The following TENM3 variants were observed in gnomAD, a reference collection of about 807,000 sequenced individuals.
The protein encoded by TENM3 is teneurin transmembrane protein 3, also known as teneurin-3.
TENM3 carries 63 observed loss-of-function variants against 255.1 expected under a neutral mutation model. That is an observed-to-expected ratio of 0.25 (90% CI 0.20 to 0.30). The LOEUF (loss-of-function observed/expected upper bound fraction) is 0.30, where lower values mean the gene tolerates loss of function less well. Ranked by LOEUF, TENM3 falls within the 10% of genes least tolerant of loss-of-function variation. The pLI is 1.00. For missense variants in TENM3, 2,929 were observed against 3,461.1 expected (o/e 0.85, Z 3.86); for synonymous variants, 1,306 against 1,322.3 (o/e 0.99, Z 0.27).
chr4:181,702,826 T>C, the TENM3 span, among the ~76,000 whole-genome samples: 1 of 152,228 alleles, frequency 6.6e-6, no homozygotes, highest in Non-Finnish European at 1.5e-5. Flanking sequence ...ATCATTAATT[T>C]TTATCATATT....
the TENM3 span, among the ~76,000 whole-genome samples, chr4:181,760,407 C>T: frequency 6.6e-6 from 1 of 152,144 alleles, no homozygotes; most frequent in South Asian, 2.1e-4. Flanking sequence ...CCTTTATTTG[C>T]ACTAATCTAG....
chr4:181,839,049 C>G, the TENM3 span, among the ~76,000 whole-genome samples: 1 of 151,402 alleles, frequency 6.6e-6, no homozygotes, highest in African/African-American at 2.4e-5. Flanking sequence ...TTGGGTAAAT[C>G]GGTAATGAAA....
intron 13 of TENM3, among the ~76,000 whole-genome samples, chr4:182,720,927 C>T (rs1485489632): frequency 7.2e-5 from 11 of 152,100 alleles, no homozygotes; most frequent in Non-Finnish European, 1.6e-4. Context: ...GCCACCAGGC[C>T]CGTCTAATTT....
At chr4:181,968,962 GTCTCTCTC>G in the TENM3 span, among the ~76,000 whole-genome samples, 8,492 of 144,462 alleles carry the variant, frequency 0.059, 296 homozygotes, top group Non-Finnish European at 0.076. Context: ...TACCTCTCTT[GTCTCTCTC>G]TCTCTCTCTC....
upstream of TENM3, among the ~76,000 whole-genome samples, chr4:182,140,884 C>T (rs961351690): frequency 1.3e-5 from 2 of 152,126 alleles, no homozygotes; most frequent in African/African-American, 2.4e-5. Flanking sequence ...CGCGGGGAGG[C>T]GGTGGAGCAG....
upstream of TENM3, among the ~76,000 whole-genome samples, chr4:182,240,657 C>G (rs1053778375): frequency 6.6e-6 from 1 of 152,150 alleles, no homozygotes; most frequent in Non-Finnish European, 1.5e-5. Context: ...CTGCGAGTCC[C>G]GGCCCTGCAG....
intron 1 of TENM3, among the ~76,000 whole-genome samples, chr4:182,284,745 T>C (rs1415634612): frequency 2.0e-5 from 3 of 152,184 alleles, no homozygotes; most frequent in Non-Finnish European, 4.4e-5. Flanking sequence ...GTCTTTACAC[T>C]GAGTAGAACA....
At chr4:182,675,574 G>A (rs775178255) in intron 7 of TENM3, among the ~76,000 whole-genome samples, 2 of 151,688 alleles carry the variant, frequency 1.3e-5, no homozygotes, top group Non-Finnish European at 2.9e-5. Context: ...ATTTTCTTAA[G>A]TGGAAGTCCT....
the TENM3 span, among the ~76,000 whole-genome samples, chr4:181,898,383 C>G: frequency 6.6e-6 from 1 of 152,096 alleles, no homozygotes; most frequent in African/African-American, 2.4e-5. Flanking sequence ...TTTTACTCGT[C>G]TCTTCTATAT....
chr4:182,565,133 T>C (rs1419823839), intron 3 of TENM3, among the ~76,000 whole-genome samples: 2 of 152,194 alleles, frequency 1.3e-5, no homozygotes, highest in Non-Finnish European at 2.9e-5. Flanking sequence ...TGTTGCACAG[T>C]TTATAAAGTA....
intron 3 of TENM3, among the ~76,000 whole-genome samples, chr4:182,366,636 G>T (rs1215406985): frequency 6.6e-6 from 1 of 152,140 alleles, no homozygotes; most frequent in Non-Finnish European, 1.5e-5. Flanking sequence ...TTGCAAAGAA[G>T]TGGGATAGGA....
intron 1 of TENM3, among the ~76,000 whole-genome samples, chr4:182,205,263 T>C (rs1422037205): frequency 6.6e-6 from 1 of 152,254 alleles, no homozygotes; most frequent in Non-Finnish European, 1.5e-5. Context: ...TGACTATTGC[T>C]CTCCTAACTA....
intron 12 of TENM3, among the ~76,000 whole-genome samples, chr4:182,693,419 C>T (rs1757158448): frequency 6.6e-6 from 1 of 151,918 alleles, no homozygotes; most frequent in African/African-American, 2.4e-5. Context: ...TCACTGCAAA[C>T]TCCACCTCCT....
chr4:181,768,470 TA>T, the TENM3 span, among the ~76,000 whole-genome samples: 1 of 152,210 alleles, frequency 6.6e-6, no homozygotes, highest in Admixed American at 6.5e-5. Flanking sequence ...CTCATAGTCT[TA>T]ATACAAAAAT....
chr4:181,919,751 T>C, the TENM3 span, among the ~76,000 whole-genome samples: 1 of 151,964 alleles, frequency 6.6e-6, no homozygotes, highest in Non-Finnish European at 1.5e-5. Context: ...ATTATTATTA[T>C]ACTTTAGTTT....
chr4:182,592,924 C>T (rs1350766143), intron 3 of TENM3, among the ~76,000 whole-genome samples: 1 of 152,142 alleles, frequency 6.6e-6, no homozygotes, highest in East Asian at 1.9e-4. Context: ...TGCAAATCAT[C>T]CATAAATATG....
At chr4:182,561,871 TTTGCCATTAAAAA>T (rs1743214228) in intron 3 of TENM3, among the ~76,000 whole-genome samples, 1 of 152,068 alleles carries the variant, frequency 6.6e-6, no homozygotes, top group Admixed American at 6.6e-5. Flanking sequence ...AATTGCTGTT[TTTGCCATTAAAAA>T]TAATAGCAAA....
the TENM3 span, among the ~76,000 whole-genome samples, chr4:181,555,444 G>A: frequency 2.0e-5 from 3 of 151,984 alleles, no homozygotes; most frequent in Non-Finnish European, 4.4e-5. Flanking sequence ...CTTTATTTAA[G>A]GTATGATCAG....
At chr4:182,025,216 G>A in the TENM3 span, among the ~76,000 whole-genome samples, 1 of 152,004 alleles carries the variant, frequency 6.6e-6, no homozygotes, top group Admixed American at 6.6e-5. Flanking sequence ...TTTTAGTAGA[G>A]ATGGGGTTTC....
Sources: gnomAD v4.1 joint callset for allele counts (sites outside exome capture counted in the v4.1 genomes callset) on GRCh38, gnomAD v4.1.1 for gene constraint, MANE v1.5 for transcripts, NCBI Gene and HGNC (gene_info 2026-07-23, HGNC 2026-07-21) for gene names.